Variants in CSMD3 observed in about 807,000 individuals in gnomAD.
CSMD3 encodes CUB and sushi domain-containing protein 3.
A neutral mutation model predicts 435.2 loss-of-function variants in CSMD3; 177 were observed. That is an observed-to-expected ratio of 0.41 (90% CI 0.36 to 0.46). The LOEUF (loss-of-function observed/expected upper bound fraction) is 0.46, where lower values mean the gene tolerates loss of function less well. CSMD3 is among the 20% of genes least tolerant of loss of function. The pLI, the probability that CSMD3 is intolerant of heterozygous loss-of-function variation, is 0.34. For synonymous variants in CSMD3, 1,656 were observed against 1,520.5 expected (o/e 1.09, Z -2.07); for missense variants, 4,265 against 4,504.6 (o/e 0.95, Z 1.52).
At chr8:113,163,115 A>C (rs193043505) in intron 4 of CSMD3, among the ~76,000 whole-genome samples, 2 of 152,240 alleles carry the variant, frequency 1.3e-5, no homozygotes, top group Admixed American at 1.3e-4. Flanking sequence ...AAACTATGTT[A>C]TCTCTCCTAT....
At chr8:113,019,545 T>C (rs1322541729) in intron 5 of CSMD3, among the ~76,000 whole-genome samples, 1 of 148,878 alleles carries the variant, frequency 6.7e-6, no homozygotes, top group Admixed American at 6.7e-5. Context: ...TTATTTATTA[T>C]ATCTTATTTA....
chr8:112,602,736 A>T (rs757595476), intron 22 of CSMD3, among the ~76,000 whole-genome samples: 9 of 151,966 alleles, frequency 5.9e-5, no homozygotes, highest in Non-Finnish European at 8.8e-5. Flanking sequence ...ACAATAAAGT[A>T]AGCTAGAGCA....
chr8:112,255,069 A>C (rs1184063007), intron 62 of CSMD3, among the ~76,000 whole-genome samples, 185 bp downstream of exon 62: 1 of 152,106 alleles, frequency 6.6e-6, no homozygotes, highest in African/African-American at 2.4e-5. Flanking sequence ...CTGGAAGTTT[A>C]AAGTGCTAAA....
Position 112,292,593 on chromosome 8 carries a change from G to C in CSMD3, c.8732C>G (p.Thr2911Arg), listed in dbSNP as rs775439962. 1 of 1,613,710 alleles carries C rather than the reference G, an allele frequency of 6.2e-7. No individual in the cohort carries two copies. Among genetic ancestry groups the C allele is most frequent in the African/African-American group, 1.3e-5 (1 of 74,888 alleles). Residue 2911 changes from threonine (T) to arginine (R), a missense_variant, in exon 55 of 71, where the codon ACA becomes AGA. By Grantham distance (71) the Thr-to-Arg change is moderately conservative (BLOSUM62 -1). Coordinates refer to ENST00000297405, the MANE Select transcript of CSMD3 (RefSeq NM_198123.2). ...CNIGYLMQGP[T>R]KAQCQANRQW... ...TCTGTTGGCCTGGCACTGTGCCTTT[G>C]TTGGCCCTTGCATAAGATACCCAAT...
At chr8:113,433,515 T>G (rs759069277) in intron 1 of CSMD3, among the ~76,000 whole-genome samples, 9 of 152,198 alleles carry the variant, frequency 5.9e-5, no homozygotes, top group Non-Finnish European at 1.3e-4. Flanking sequence ...AAGACCTCTG[T>G]GGCAGGAGTA....
At chr8:112,638,196 T>TAG (rs1003558385) in intron 21 of CSMD3, among the ~76,000 whole-genome samples, 2 of 147,654 alleles carry the variant, frequency 1.4e-5, no homozygotes, top group Admixed American at 1.4e-4. Flanking sequence ...TTATTAATTA[T>TAG]ATATATAATT....
chr8:113,216,017 G>T (rs929768974), intron 3 of CSMD3, among the ~76,000 whole-genome samples: 17 of 151,726 alleles, frequency 1.1e-4, no homozygotes, highest in Admixed American at 2.6e-4. Flanking sequence ...GGAGAAAATT[G>T]CTTCCAAACT....
At chr8:112,919,321 A>G (rs572230563) in intron 10 of CSMD3, among the ~76,000 whole-genome samples, 213 of 151,938 alleles carry the variant, frequency 1.4e-3, no homozygotes, top group African/African-American at 4.7e-3. Flanking sequence ...TCAAGTCAGT[A>G]GAGAGCTGCT....
chr8:112,394,694 G>A (rs7463151), intron 35 of CSMD3, among the ~76,000 whole-genome samples: 61,594 of 151,944 alleles, frequency 0.41, 14,526 homozygotes, highest in Middle Eastern at 0.59. Context: ...CATGCTCTGG[G>A]TGTCTTGTTG....
chr8:112,289,127 T>C (rs1819512815), intron 57 of CSMD3, among the ~76,000 whole-genome samples: 1 of 152,072 alleles, frequency 6.6e-6, no homozygotes, highest in African/African-American at 2.4e-5. Context: ...TTCTTTAAAT[T>C]AGCAACACAG....
At chr8:112,935,327 ATG>A (rs2083247946) in intron 9 of CSMD3, among the ~76,000 whole-genome samples, 1 of 152,060 alleles carries the variant, frequency 6.6e-6, no homozygotes, top group African/African-American at 2.4e-5. Context: ...GTCAGACTGT[ATG>A]ATAGTTCCAG....
At chr8:112,346,288 A>C in intron 40 of CSMD3, 75 bp from the exon 41 acceptor site, 1 of 943,294 alleles carries the variant, frequency 1.1e-6, no homozygotes, top group Non-Finnish European at 1.8e-6. Context: ...TATTAAAATC[A>C]TTTCACGTTT....
intron 36 of CSMD3, among the ~76,000 whole-genome samples, chr8:112,387,629 AC>A (rs1447601320): frequency 6.6e-6 from 1 of 152,078 alleles, no homozygotes; most frequent in African/African-American, 2.4e-5. Context: ...TGCTTTACAC[AC>A]TATATGTTTG....
intron 32 of CSMD3, among the ~76,000 whole-genome samples, chr8:112,455,355 C>CAAATACCAAATACCACATA: frequency 1.2e-3 from 178 of 152,206 alleles, no homozygotes; most frequent in African/African-American, 3.9e-3. Context: ...CCAAATACCA[C>CAAATACCAAATACCACATA]ATGTTCTCAC....
At chr8:112,461,646 G>A (rs569124707) in intron 32 of CSMD3, among the ~76,000 whole-genome samples, 99 of 152,164 alleles carry the variant, frequency 6.5e-4, no homozygotes, top group Non-Finnish European at 9.6e-4. Context: ...AGTTATCTTG[G>A]AGGTATTTAT....
At chr8:112,499,491 CA>C (rs1447777510) in intron 30 of CSMD3, among the ~76,000 whole-genome samples, 6 of 151,994 alleles carry the variant, frequency 3.9e-5, no homozygotes, top group Non-Finnish European at 4.4e-5. Flanking sequence ...TTAGATGATA[CA>C]AATTTCTCTC....
chr8:112,865,043 C>T (rs984446818), intron 10 of CSMD3, among the ~76,000 whole-genome samples: 5 of 152,112 alleles, frequency 3.3e-5, no homozygotes, highest in African/African-American at 9.7e-5. Flanking sequence ...CTGCTAACAT[C>T]GATAGAAGTA....
intron 1 of CSMD3, among the ~76,000 whole-genome samples, chr8:113,404,710 A>G (rs558235822): frequency 6.6e-6 from 1 of 151,398 alleles, no homozygotes; most frequent in African/African-American, 2.4e-5. Context: ...ACAGATGTAC[A>G]CTCCTGTGTA....
chr8:112,953,476 A>G (rs1283557965), intron 8 of CSMD3, among the ~76,000 whole-genome samples: 2 of 151,464 alleles, frequency 1.3e-5, no homozygotes, highest in African/African-American at 4.8e-5. Context: ...TAATTATACA[A>G]CCAAACCCTT....
Sources: gnomAD v4.1 joint callset for allele counts (sites outside exome capture counted in the v4.1 genomes callset) on GRCh38, gnomAD v4.1.1 for gene constraint, MANE v1.5 for transcripts, NCBI Gene and HGNC (gene_info 2026-07-23, HGNC 2026-07-21) for gene names.